The following RRP1B variants were observed in gnomAD, a reference collection of about 807,000 sequenced individuals.
The protein encoded by RRP1B is ribosomal RNA processing 1B, also known as ribosomal RNA processing protein 1 homolog B.
In RRP1B, 56 loss-of-function variants were observed where a neutral mutation model predicts 80.2. That is an observed-to-expected ratio of 0.70 (90% CI 0.56 to 0.87). RRP1B has a LOEUF of 0.87. Among genes scored for constraint, RRP1B ranks in the 40% least tolerant of loss-of-function variants. The pLI, the probability that RRP1B is intolerant of heterozygous loss-of-function variation, is 0.00. For missense variants in RRP1B, 807 were observed against 939.8 expected (o/e 0.86, Z 1.85); for synonymous variants, 351 against 357.6 (o/e 0.98, Z 0.21).
chr21:43,671,221 A>C (rs2082998143), intron 2 of RRP1B, among the ~76,000 whole-genome samples: 1 of 152,136 alleles, frequency 6.6e-6, no homozygotes, highest in Non-Finnish European at 1.5e-5. Flanking sequence ...GGCTGAGTTT[A>C]CCTTCACATT....
chr21:43,669,834 A>G lies in RRP1B; in HGVS notation c.131-50A>G, dbSNP rs2082992354. 4.5e-6 allele frequency: 6 copies of G among 1,332,614 alleles called. No individual in the cohort carries two copies. In the East Asian group the frequency reaches 9.4e-5, roughly 21 times the overall value. The allele number at this position is 1,332,614 out of a possible 1,614,324, so 82.5% of individuals were successfully genotyped here. On this transcript the variant is annotated intron_variant, in intron 1 of 15. Transcript: ENST00000340648. ...ATACTTCACCACTTTCTAAACTTGA[A>G]GAAAAGAGATGCATAGACTCTAAGA...
chr21:43,674,129 G>A (rs1443961108), intron 4 of RRP1B, among the ~76,000 whole-genome samples, 174 bp downstream of exon 4: 1 of 152,198 alleles, frequency 6.6e-6, no homozygotes, highest in Non-Finnish European at 1.5e-5. Flanking sequence ...AGTTCTTAAG[G>A]ATGAGTTTGG....
At chr21:43,676,965 TCAGACAAA>T (rs2083025414) in intron 8 of RRP1B, 51 bp downstream of exon 8, 3 of 1,557,616 alleles carry the variant, frequency 1.9e-6, no homozygotes, top group Non-Finnish European at 2.6e-6. Context: ...AAAATCCTCC[TCAGACAAA>T]CAGTTTTTAA....
rs1167803325 is a variant in RRP1B, at chr21:43,688,089, A to G, written c.1715A>G (p.Lys572Arg). The G allele has an allele frequency of 1.9e-6, 3 of 1,610,328 alleles. No individual in the cohort carries two copies. Among genetic ancestry groups the G allele is most frequent in the East Asian group, 2.2e-5 (1 of 44,772 alleles). ...CTGCCCCAGCGCAGGAGGCTGCAGA[A>G]AAAGAAGGCAGGGCCCGGCAGCCTG... ...TTLPQRRRLQ[K>R]KKAGPGSLEL... Residue 572 changes from lysine to arginine, a missense_variant, in exon 13 of 16, where the codon AAA (lysine) becomes AGA (arginine). Transcript: ENST00000340648.
chr21:43,675,296 C>A, intron 6 of RRP1B, 133 bp downstream of exon 6: 1 of 798,642 alleles, frequency 1.3e-6, no homozygotes, highest in Non-Finnish European at 2.0e-6. Context: ...TCAGTCCTGT[C>A]TGGGAATGTG....
chr21:43,677,008 T>C, intron 8 of RRP1B, 94 bp downstream of exon 8: 1 of 1,267,730 alleles, frequency 7.9e-7, no homozygotes, highest in Admixed American at 2.1e-5. Flanking sequence ...TCTTACTGAA[T>C]GCAACCTAGA....
chr21:43,660,295 G>C (rs2082946308), intron 1 of RRP1B, among the ~76,000 whole-genome samples: 1 of 152,266 alleles, frequency 6.6e-6, no homozygotes, highest in Non-Finnish European at 1.5e-5. Flanking sequence ...CGGGCGCGGT[G>C]TCTCACGCAT....
rs758096993 is a variant in RRP1B at position 43,673,967 on chromosome 21, C to T, written c.357+12C>T. On this transcript the variant is annotated intron_variant, in intron 4 of 15. Transcript: ENST00000340648. The stretch of plus-strand genomic sequence containing the variant: ...ACAAATACTATATGGTAAGATCTGC[C>T]GCAGTTACTTCAAAAACTCCTGGGA... 19 of 1,572,566 alleles carry T rather than the reference C, an allele frequency of 1.2e-5. No homozygotes were observed. In the Admixed American group the frequency reaches 1.2e-4, roughly 10 times the overall value.
chr21:43,686,710 T>G, intron 11 of RRP1B, 94 bp from the exon 12 acceptor site: 4 of 1,428,496 alleles, frequency 2.8e-6, no homozygotes, highest in Non-Finnish European at 2.9e-6. Flanking sequence ...ACGATGATGA[T>G]GAGGCAGAAA....
chr21:43,667,151 T>C (rs2082981291), intron 1 of RRP1B, among the ~76,000 whole-genome samples: 2 of 152,372 alleles, frequency 1.3e-5, no homozygotes, highest in African/African-American at 4.8e-5. Flanking sequence ...CTGTGCATGT[T>C]AATGATCGGT....
chr21:43,669,995 C>T (rs372127203), intron 2 of RRP1B, 29 bp downstream of exon 2: 11 of 1,546,176 alleles, frequency 7.1e-6, no homozygotes, highest in African/African-American at 5.4e-5. Context: ...GTCATGCTCC[C>T]GGGTTCTTGC....
In RRP1B at chr21:43,686,809, A is replaced by G. The variant is rs763588537; in HGVS notation, c.1015A>G (p.Ser339Gly). 6.2e-7 allele frequency: 1 copy of G among 1,613,978 alleles called. No individual in the cohort carries two copies. Among genetic ancestry groups the G allele is most frequent in the Non-Finnish European group, 8.5e-7 (1 of 1,179,990 alleles). ...TGTGTCACTCTGGCATCTAGGAAGC[A>G]GTATATCTCAACTCAGTTTTGCGGA... ...KKFQDLSEGS[S>G]ISQLSFAEDI... The change falls in exon 12 of 16, where the codon AGT becomes GGT. Residue 339 changes from serine to glycine, a missense_variant. Transcript: ENST00000340648.
chr21:43,692,865 A>G (rs1457474426), intron 15 of RRP1B, among the ~76,000 whole-genome samples: 1 of 152,202 alleles, frequency 6.6e-6, no homozygotes, highest in African/African-American at 2.4e-5. Context: ...TGTCCCAGAC[A>G]CAAATGCCTG....
chr21:43,692,564 A>T (rs999293945), intron 15 of RRP1B, among the ~76,000 whole-genome samples: 1 of 150,784 alleles, frequency 6.6e-6, no homozygotes, highest in Non-Finnish European at 1.5e-5. Flanking sequence ...GTTTCACTGC[A>T]CTCCAGCCTG....
chr21:43,659,891 T>A lies in RRP1B; in HGVS notation c.130+97T>A. 1 of 1,283,018 alleles carries A rather than the reference T, an allele frequency of 7.8e-7. No homozygotes were observed. Among genetic ancestry groups the A allele is most frequent in the Admixed American group, 3.7e-5 (1 of 26,974 alleles). The allele number at this position is 1,283,018 out of a possible 1,614,324, so 79.5% of individuals were successfully genotyped here. A position where few individuals can be genotyped will look rare whatever the true frequency, so the allele number is the denominator to read the frequency against. ...CCCGGCACGGAATGCGGCTTCCACG[T>A]GTTGTCGTGACACCCAGCGTGTGCT... is the stretch of plus-strand genomic sequence containing the variant. On this transcript the variant is annotated intron_variant, in intron 1 of 15. Transcript: ENST00000340648. The surrounding 1 kb of genome is among the most constrained non-coding windows in gnomAD (Gnocchi z 4.2).
Position 43,668,469 on chromosome 21 carries a change from ACCATTCTACTG to A in RRP1B, c.131-1412_131-1402del, listed in dbSNP as rs1458916426. Among the ~76,000 whole-genome samples the A allele has an allele frequency of 2.7e-5, 4 of 150,466 alleles. No individual in the cohort carries two copies. The East Asian group carries it at 8.1e-4, about 30-fold the overall frequency. On this transcript the variant is annotated intron_variant, in intron 1 of 15. Coordinates refer to ENST00000340648, the MANE Select transcript of RRP1B (RefSeq NM_015056.3). ...TGCAAACTCCACCTCCTGGGTTCAC[ACCATTCTACTG>A]CCTCAGCCTCTGGAGTAGCTGGGAC... is the stretch of plus-strand genomic sequence containing the variant.
chr21:43,690,098 G>A (rs144586818), intron 13 of RRP1B, among the ~76,000 whole-genome samples, 190 bp from the exon 14 acceptor site: 32 of 152,374 alleles, frequency 2.1e-4, no homozygotes, highest in Admixed American at 6.5e-4. Flanking sequence ...CCATGATAGC[G>A]GTCGTGTTGT....
At chr21:43,685,724 C>A in intron 10 of RRP1B, 46 bp from the exon 11 acceptor site, 1 of 1,336,542 alleles carries the variant, frequency 7.5e-7, no homozygotes, top group South Asian at 1.6e-5. Flanking sequence ...TCTTTATGAA[C>A]ATTTGTTATT....
chr21:43,659,628 C>A lies in RRP1B; in HGVS notation c.-37C>A, dbSNP rs934631818. On this transcript the variant is annotated 5_prime_UTR_variant, in exon 1 of 16. Coordinates refer to ENST00000340648, the MANE Select transcript of RRP1B (RefSeq NM_015056.3). The surrounding 1 kb of genome is among the most constrained non-coding windows in gnomAD (Gnocchi z 4.2). Reference sequence around the variant, plus strand: ...AGCGCTCGGCTGGCTGCAGCGGCACCGCGGGTTGCGCGGCCGGGGATGCTC... The same window carrying A: ...AGCGCTCGGCTGGCTGCAGCGGCACAGCGGGTTGCGCGGCCGGGGATGCTC... 2.1e-6 allele frequency: 3 copies of A among 1,440,972 alleles called. No homozygotes were observed. Among genetic ancestry groups the A allele is most frequent in the Admixed American group, 2.6e-5 (1 of 38,182 alleles). The allele number at this position is 1,440,972 out of a possible 1,614,324, so 89.3% of individuals were successfully genotyped here. A position where few individuals can be genotyped will look rare whatever the true frequency, so the allele number is the denominator to read the frequency against.
Sources: allele counts gnomAD v4.1 joint callset (sites outside exome capture counted in the v4.1 genomes callset), GRCh38; gene constraint gnomAD v4.1.1; non-coding constraint Gnocchi (gnomAD v3.1); transcripts MANE v1.5; gene names NCBI Gene and HGNC (gene_info 2026-07-23, HGNC 2026-07-21).